FGA: variants seen among roughly 807,000 people sequenced by gnomAD.
The protein encoded by FGA is fibrinogen alpha chain, also known as fibrinogen, A alpha polypeptide.
In FGA, 20 loss-of-function variants were observed where a neutral mutation model predicts 20.3. That is an observed-to-expected ratio of 0.99 (90% confidence interval 0.69 to 1.43). The LOEUF is 1.43. Among genes scored for constraint, FGA ranks in the 40% most tolerant of loss-of-function variants. The pLI is 0.00. For synonymous variants in FGA, 306 were observed against 281.6 expected (o/e 1.09, Z -0.87); for missense variants, 777 against 784.7 (o/e 0.99, Z 0.12).
At position 154,587,637 on chromosome 4, in the gene FGA, G is replaced by C. The variant is rs781289913; in HGVS notation, c.385C>G (p.Arg129Gly). The C allele has an allele frequency of 2.5e-6, 4 of 1,613,728 alleles. No individual in the cohort carries two copies. The highest frequency in any genetic ancestry group is 3.4e-6 in the Non-Finnish European group (4 of 1,179,872). Reference protein sequence around the residue: ...SANNRDNTYNRVSEDLRSRIE... With the variant: ...SANNRDNTYNGVSEDLRSRIE... ...CTGCTTCTCAGATCCTCTGACACTC[G>C]GTTGTAGGTATTATCACGGTCTGAA... Residue 129 changes from arginine (R) to glycine (G), a missense_variant, in exon 4 of 5, where the codon CGA (arginine) becomes GGA (glycine). Coordinates refer to ENST00000403106, the MANE Select transcript of FGA (RefSeq NM_021871.4).
chr4:154,584,100 T>TGCTCCCATTCCCACTTCGAAGACAGAGA (rs1255282121), downstream of FGA: 1 of 1,559,000 alleles, frequency 6.4e-7, no homozygotes, highest in Non-Finnish European at 8.8e-7. Flanking sequence ...GAAGACAGAG[T>TGCTCCCATTCCCACTTCGAAGACAGAGA]GCTCCCATTC....
rs571610699 is a variant in FGA at position 154,586,905 on chromosome 4, A to G, written c.524T>C (p.Ile175Thr). 6.2e-6 allele frequency: 10 copies of G among 1,613,860 alleles called. No homozygotes were observed. The highest frequency in any genetic ancestry group is 2.2e-5 in the South Asian group (2 of 91,072). ...TGACCCTCGACAAGATCGGATCTTAATATCAATGTCCACCTAGAGAGAGGG... is the reference window on the plus strand; with the variant it reads ...TGACCCTCGACAAGATCGGATCTTAGTATCAATGTCCACCTAGAGAGAGGG... ...DMKRLEVDID[I>T]KIRSCRGSCS... Residue 175 changes from isoleucine to threonine, a missense_variant, in exon 5 of 5, where the codon ATT becomes ACT. Physicochemically the swap from Ile to Thr is moderately conservative, Grantham distance 89 (BLOSUM62 -1). Transcript: ENST00000403106.
chr4:154,586,884 C>G lies in FGA; in HGVS notation c.545G>C (p.Gly182Ala), dbSNP rs151016432. ...DIDIKIRSCR[G>A]SCSRALAREV... ...ACGAGCTAAAGCCCTACTGCATGAC[C>G]CTCGACAAGATCGGATCTTAATATC... Residue 182 changes from glycine (G) to alanine (A), a missense_variant, in exon 5 of 5, where the codon GGG becomes GCG. By Grantham distance (60) the Gly-to-Ala change is moderately conservative. Coordinates refer to ENST00000403106, the MANE Select transcript of FGA (RefSeq NM_021871.4). The G allele has an allele frequency of 1.2e-6, 2 of 1,614,000 alleles. No individual in the cohort carries two copies. The highest frequency in any genetic ancestry group is 2.7e-5 in the African/African-American group (2 of 75,014).
At chr4:154,587,688 C>G in intron 3 of FGA, 31 bp from the exon 4 acceptor site, 1 of 1,603,726 alleles carries the variant, frequency 6.2e-7, no homozygotes. Flanking sequence ...ATTGAAGTAG[C>G]TGCTGAGTGA....
At chr4:154,584,761 G>A, downstream of FGA, 1 of 1,614,074 alleles carries the variant, frequency 6.2e-7, no homozygotes, top group Non-Finnish European at 8.5e-7. Flanking sequence ...AATCTTACTG[G>A]ATCCCGGTAG....
chr4:154,584,336 C>G (rs556540003), downstream of FGA: 1 of 1,614,038 alleles, frequency 6.2e-7, no homozygotes, highest in Non-Finnish European at 8.5e-7. Flanking sequence ...GCACAGTTCT[C>G]TTCCCACTGG....
At chr4:154,584,460 G>A (rs1730660443), downstream of FGA, 8 of 1,614,156 alleles carry the variant, frequency 5.0e-6, no homozygotes, top group Non-Finnish European at 5.9e-6. Flanking sequence ...CATAGGAGGA[G>A]ACTTGGAGGG....
intron 3 of FGA, among the ~76,000 whole-genome samples, chr4:154,588,350 C>A (rs540997833): frequency 6.6e-6 from 1 of 152,240 alleles, no homozygotes; most frequent in South Asian, 2.1e-4. Context: ...CGTAGCTTGA[C>A]CCTATATTTT....
downstream of FGA, chr4:154,584,140 G>A (rs551442364): frequency 7.8e-7 from 1 of 1,277,260 alleles, no homozygotes; most frequent in Admixed American, 2.3e-5. Flanking sequence ...GGTCACAAGG[G>A]GCCTAATTTT....
At chr4:154,584,648 T>C, downstream of FGA, 2 of 1,614,152 alleles carry the variant, frequency 1.2e-6, no homozygotes, top group East Asian at 4.5e-5. Context: ...AAACCTCTCT[T>C]GTAGTCTTGC....
At chr4:154,584,368 C>T, downstream of FGA, 1 of 1,614,126 alleles carries the variant, frequency 6.2e-7, no homozygotes, top group Non-Finnish European at 8.5e-7. Flanking sequence ...GTCAAAGGTG[C>T]TGAACTGCAT....
chr4:154,590,598 A>G, intron 1 of FGA, 36 bp downstream of exon 1: 2 of 1,518,890 alleles, frequency 1.3e-6, no homozygotes, highest in Non-Finnish European at 9.0e-7. Context: ...TAAACACCAG[A>G]GAGAAAGCAA....
chr4:154,587,532 C>T lies in FGA; in HGVS notation c.490G>A (p.Val164Ile), dbSNP rs777639722. The change falls in exon 4 of 5, where the codon GTT becomes ATT. Residue 164 changes from valine to isoleucine, a missense_variant. Physicochemically the swap from Val to Ile is conservative, Grantham distance 29. Coordinates refer to ENST00000403106, the MANE Select transcript of FGA (RefSeq NM_021871.4). Reference protein sequence around the residue: ...LLQKNVRAQLVDMKRLEVDID... With the variant: ...LLQKNVRAQLIDMKRLEVDID... ...CTTACCTCCAGTCGTTTCATATCAACCAACTGAGCTCTAACATTTTTCTGC... is the reference window on the plus strand; with the variant it reads ...CTTACCTCCAGTCGTTTCATATCAATCAACTGAGCTCTAACATTTTTCTGC... The T allele has an allele frequency of 8.1e-6, 13 of 1,613,808 alleles. No homozygotes were observed. The South Asian group carries it at 1.3e-4, about 16-fold the overall frequency.
chr4:154,589,279 A>C (rs905823502), intron 2 of FGA, among the ~76,000 whole-genome samples, 158 bp downstream of exon 2: 1 of 152,160 alleles, frequency 6.6e-6, no homozygotes, highest in Non-Finnish European at 1.5e-5. Context: ...GTAAATAAAC[A>C]GTGCTCTTGG....
chr4:154,589,665 C>G, intron 1 of FGA, 103 bp from the exon 2 acceptor site: 3 of 1,307,400 alleles, frequency 2.3e-6, no homozygotes, highest in Non-Finnish European at 3.3e-6. Context: ...ATGGCACTCT[C>G]ACAGAGATTA....
At chr4:154,584,089 A>AGAAGACAGAGTGCTCCCAATCCCACTTC, downstream of FGA, 6 of 1,369,322 alleles carry the variant, frequency 4.4e-6, no homozygotes, top group Non-Finnish European at 6.2e-6. Flanking sequence ...TCTCTAGCAA[A>AGAAGACAGAGTGCTCCCAATCCCACTTC]GAAGACAGAG....
downstream of FGA, chr4:154,584,863 A>C (rs1367026526): frequency 6.7e-7 from 1 of 1,503,174 alleles, no homozygotes; most frequent in Admixed American, 1.7e-5. Flanking sequence ...GGTTGGAAGA[A>C]GTTATTCTCA....
intron 1 of FGA, among the ~76,000 whole-genome samples, chr4:154,590,192 CA>C (rs1195507335): frequency 2.6e-5 from 4 of 152,184 alleles, no homozygotes; most frequent in African/African-American, 9.6e-5. Context: ...AACCTTTCAG[CA>C]AAACTGTACT....
Position 154,587,797 on chromosome 4 carries a change from AAGAAAG to A in FGA, c.365-146_365-141del, listed in dbSNP as rs879607786. On this transcript the variant is annotated intron_variant, in intron 3 of 4. Transcript: ENST00000403106. The stretch of plus-strand genomic sequence containing the variant: ...AAAGAAAGAAAGAAAGAAAGAAAGA[AAGAAAG>A]AGAAAAAAGAAAGAAAGAAACTAGC... 9.3e-4 allele frequency: 643 copies of A among 694,212 alleles called. 3 individuals carry two copies. The highest frequency in any genetic ancestry group is 1.7e-3 in the African/African-American group (90 of 52,738). The allele number at this position is 694,212 out of a possible 1,614,324, so 43.0% of individuals were successfully genotyped here.
Sources: allele counts gnomAD v4.1 joint callset (sites outside exome capture counted in the v4.1 genomes callset), GRCh38; gene constraint gnomAD v4.1.1; transcripts MANE v1.5; gene names NCBI Gene and HGNC (gene_info 2026-07-23, HGNC 2026-07-21).